Variants in BCL2L11 observed in about 807,000 individuals in gnomAD.
BCL2L11 encodes bcl-2-like protein 11.
In BCL2L11, 15 loss-of-function variants were observed where a neutral mutation model predicts 20.6. The ratio of observed to expected loss-of-function variants is 0.73; its 90% confidence interval spans 0.49 to 1.12. The LOEUF (loss-of-function observed/expected upper bound fraction) is 1.12. Ranked by LOEUF, BCL2L11 falls within the 50% of genes most tolerant of loss-of-function variation. The probability of loss-of-function intolerance (pLI) is 0.00; values close to 1 mark genes in which losing one functional copy is unlikely to be tolerated. For synonymous variants in BCL2L11, 108 were observed against 92.8 expected, an observed-to-expected ratio of 1.16 and a Z score of -0.94; for missense variants, 292 against 260.9, an observed-to-expected ratio of 1.12 and a Z score of -0.82.
chr2:111,152,710 T>C (rs1399496850), intron 3 of BCL2L11, among the ~76,000 whole-genome samples: 2 of 152,230 alleles, frequency 1.3e-5, no homozygotes, highest in African/African-American at 4.8e-5. Flanking sequence ...TGCCTCTCTG[T>C]TGAGGATGTG....
chr2:111,123,552 A>G (rs1159887090), intron 1 of BCL2L11, 181 bp from the exon 2 acceptor site: 4 of 980,754 alleles, frequency 4.1e-6, no homozygotes, highest in African/African-American at 1.7e-5. Context: ...TCTACCAAAA[A>G]AAAATTACAC....
At chr2:111,124,271 A>T (rs1250976273) in intron 2 of BCL2L11, 132 bp downstream of exon 2, 1 of 1,025,186 alleles carries the variant, frequency 9.8e-7, no homozygotes, top group Non-Finnish European at 1.4e-6. Flanking sequence ...GGAATGGAGG[A>T]TGTGTCAAAC....
At chr2:111,124,257 G>A (rs988116480) in intron 2 of BCL2L11, 118 bp downstream of exon 2, 11 of 1,202,756 alleles carry the variant, frequency 9.1e-6, no homozygotes, top group Non-Finnish European at 3.4e-6. Context: ...TCCATCTTTA[G>A]ATGGGAATGG....
At chr2:111,123,109 G>C (rs2071548436) in intron 1 of BCL2L11, 4 of 979,750 alleles carry the variant, frequency 4.1e-6, no homozygotes, top group African/African-American at 3.5e-5. Context: ...GAGAAGTTCT[G>C]TCTGATTCGG....
At chr2:111,156,060 G>A (rs1348277577) in intron 3 of BCL2L11, among the ~76,000 whole-genome samples, 1 of 152,202 alleles carries the variant, frequency 6.6e-6, no homozygotes, top group Non-Finnish European at 1.5e-5. Flanking sequence ...TCTCATTCTT[G>A]TTTTTATAAA....
At chr2:111,149,357 C>G (rs1419565107) in intron 2 of BCL2L11, among the ~76,000 whole-genome samples, 3 of 152,154 alleles carry the variant, frequency 2.0e-5, no homozygotes, top group Non-Finnish European at 4.4e-5. Context: ...TCAAAAATGC[C>G]TTTGCTCTTA....
intron 3 of BCL2L11, chr2:111,153,706 C>T: frequency 6.6e-7 from 1 of 1,524,704 alleles, no homozygotes; most frequent in Non-Finnish European, 8.9e-7. Flanking sequence ...TATTACAATG[C>T]CTTGTCTAAA....
chr2:111,124,248 C>T (rs956738737), intron 2 of BCL2L11, 109 bp downstream of exon 2: 8 of 1,303,394 alleles, frequency 6.1e-6, no homozygotes, highest in South Asian at 1.5e-5. Context: ...CTGATTTATT[C>T]CATCTTTAGA....
chr2:111,155,453 C>T (rs2077711314), intron 3 of BCL2L11, among the ~76,000 whole-genome samples: 1 of 152,174 alleles, frequency 6.6e-6, no homozygotes, highest in Admixed American at 6.5e-5. Context: ...ATAGTGTCTA[C>T]TTGGGTGGGA....
At chr2:111,144,805 C>T (rs1453362543) in intron 2 of BCL2L11, among the ~76,000 whole-genome samples, 3 of 152,106 alleles carry the variant, frequency 2.0e-5, no homozygotes, top group African/African-American at 7.2e-5. Flanking sequence ...TTTACAGGAT[C>T]CTTTATTGCT....
intron 2 of BCL2L11, among the ~76,000 whole-genome samples, chr2:111,135,100 CCT>C (rs142586798): frequency 0.078 from 11,857 of 152,162 alleles, 564 homozygotes; most frequent in East Asian, 0.26. Flanking sequence ...CCAGTCCCTT[CCT>C]CTCTTTTGGA....
intron 2 of BCL2L11, among the ~76,000 whole-genome samples, chr2:111,143,251 T>A (rs759878773): frequency 9.2e-5 from 14 of 152,204 alleles, no homozygotes; most frequent in Non-Finnish European, 1.6e-4. Flanking sequence ...CAGTATTCAG[T>A]GTCCCGTGTC....
intron 2 of BCL2L11, among the ~76,000 whole-genome samples, chr2:111,126,777 A>AC (rs1278041760): frequency 2.0e-5 from 3 of 152,178 alleles, no homozygotes. Context: ...TACATTTTCC[A>AC]CAAAGAAGTC....
intron 2 of BCL2L11, among the ~76,000 whole-genome samples, chr2:111,138,223 G>A (rs1203881349): frequency 2.0e-5 from 3 of 152,002 alleles, no homozygotes; most frequent in Non-Finnish European, 4.4e-5. Flanking sequence ...TGGCCAGGCT[G>A]GTCTCGAACT....
At position 111,166,066 on chromosome 2, in the gene BCL2L11, T is replaced by C. The variant is rs1436321177; in HGVS notation, c.*1835T>C. 2.0e-5 allele frequency: 3 copies of C among 152,648 alleles called. No homozygotes were observed. Among genetic ancestry groups the C allele is most frequent in the African/African-American group, 7.2e-5 (3 of 41,464 alleles). 9.5% of individuals were successfully genotyped at this position (152,648 alleles called of 1,614,324 possible). On this transcript the variant is annotated 3_prime_UTR_variant, in exon 4 of 4. Coordinates refer to ENST00000393256, the MANE Select transcript of BCL2L11 (RefSeq NM_138621.5). ...TGTTGGAGCTCATCTTGTTCCCTGA[T>C]GTGTCTCGAGCCCATTGGTAGGGTC...
intron 2 of BCL2L11, among the ~76,000 whole-genome samples, chr2:111,145,455 G>C (rs1012742966): frequency 6.6e-6 from 1 of 152,076 alleles, no homozygotes; most frequent in Non-Finnish European, 1.5e-5. Context: ...AGAAGGTTTA[G>C]CCTGACTGAT....
chr2:111,121,398 G>C (rs1054007785), intron 1 of BCL2L11, among the ~76,000 whole-genome samples: 1 of 152,096 alleles, frequency 6.6e-6, no homozygotes. Flanking sequence ...CGTTCACGCG[G>C]AACCTGCAGG....
chr2:111,139,231 C>T (rs552108076), intron 2 of BCL2L11, among the ~76,000 whole-genome samples: 7 of 152,276 alleles, frequency 4.6e-5, no homozygotes, highest in African/African-American at 1.7e-4. Flanking sequence ...AGAAGAACCT[C>T]AGCTTCTTGG....
chr2:111,127,814 CATT>C (rs1364236385), intron 2 of BCL2L11, among the ~76,000 whole-genome samples: 8 of 152,046 alleles, frequency 5.3e-5, no homozygotes, highest in Non-Finnish European at 1.0e-4. Context: ...GTTGTGCTGT[CATT>C]ATTGATACAC....
Sources: allele counts gnomAD v4.1 joint callset (sites outside exome capture counted in the v4.1 genomes callset), GRCh38; gene constraint gnomAD v4.1.1; transcripts MANE v1.5; gene names NCBI Gene and HGNC (gene_info 2026-07-23, HGNC 2026-07-21).